ARL5C: variants seen among roughly 807,000 people sequenced by gnomAD.
The protein encoded by ARL5C is putative ADP-ribosylation factor-like protein 5C.
ARL5C carries 21 observed loss-of-function variants against 20.8 expected under a neutral mutation model. The ratio of observed to expected loss-of-function variants is 1.01; its 90% CI spans 0.72 to 1.46. The LOEUF (loss-of-function observed/expected upper bound fraction) is 1.46, where lower values mean the gene tolerates loss of function less well. Ranked by LOEUF, ARL5C falls within the 40% of genes most tolerant of loss-of-function variation. ARL5C has a pLI of 0.00. For synonymous variants in ARL5C, 71 were observed against 81.6 expected (o/e 0.87, Z 0.70); for missense variants, 199 against 225.1 (o/e 0.88, Z 0.74).
chr17:39,157,165 C>G (rs1281058809), intron 5 of ARL5C, among the ~76,000 whole-genome samples: 2 of 152,184 alleles, frequency 1.3e-5, no homozygotes, highest in Non-Finnish European at 2.9e-5. Flanking sequence ...GGCTTACTGT[C>G]TAGTAGAAGA....
chr17:39,165,379 G>A, intron 1 of ARL5C: 1 of 590,124 alleles, frequency 1.7e-6, no homozygotes, highest in South Asian at 2.1e-5. Context: ...GGCCCGGGGC[G>A]CTTCGGGGCT....
intron 2 of ARL5C, among the ~76,000 whole-genome samples, chr17:39,163,604 C>T (rs933855327): frequency 1.3e-5 from 2 of 151,216 alleles, no homozygotes; most frequent in African/African-American, 4.9e-5. Flanking sequence ...GTTGGCTGGG[C>T]GAGTCTCGAA....
In ARL5C at chr17:39,162,547, C is replaced by T. The variant is rs1279219132; in HGVS notation, c.255+164G>A. 2.6e-5 allele frequency among the ~76,000 whole-genome samples: 4 copies of T among 152,116 alleles called. No individual in the cohort carries two copies. The East Asian group carries it at 5.8e-4, about 22-fold the overall frequency. ...AACTCTTGACCTCAGGTGATCCACC[C>T]GCCTTGGACTCCCAAAGTGCTGGGA... is the stretch of plus-strand genomic sequence containing the variant. On this transcript the variant is annotated intron_variant, in intron 3 of 5. Coordinates refer to ENST00000269586, the MANE Select transcript of ARL5C (RefSeq NM_001143968.1).
chr17:39,165,771 G>C lies in ARL5C; in HGVS notation c.-11C>G. ...GATCAGCTGTCCCATGGCACTTCCC[G>C]GGCCGGACAGGTGCAGGAGGGCTCA... On this transcript the variant is annotated 5_prime_UTR_variant, in exon 1 of 6. Transcript: ENST00000269586. The C allele has an allele frequency of 2.6e-6, 4 of 1,551,766 alleles. No homozygotes were observed. The highest frequency in any genetic ancestry group is 3.5e-6 in the Non-Finnish European group (4 of 1,146,990).
intron 4 of ARL5C, 93 bp from the exon 5 acceptor site, chr17:39,160,835 T>C: frequency 6.9e-7 from 1 of 1,454,992 alleles, no homozygotes; most frequent in South Asian, 1.4e-5. Flanking sequence ...CCTCTCCAGC[T>C]GTCCCAGGAA....
At chr17:39,161,460 G>C in intron 3 of ARL5C, 109 bp from the exon 4 acceptor site, 3 of 940,682 alleles carry the variant, frequency 3.2e-6, no homozygotes, top group Non-Finnish European at 5.0e-6. Context: ...GTCAGCCCCA[G>C]AGAAATGAAA....
rs2045459582 is a variant in ARL5C at position 39,165,698 on chromosome 17, C to T, written c.46+17G>A. On this transcript the variant is annotated intron_variant, in intron 1 of 5. Coordinates refer to ENST00000269586, the MANE Select transcript of ARL5C (RefSeq NM_001143968.1). ...CGAGATCAAAGCGCTCGCTTGGATG[C>T]CCTGTGCGCCCCTTACCCTGGTTCC... 1 of 1,551,786 alleles carries T rather than the reference C, an allele frequency of 6.4e-7. No individual in the cohort carries two copies. The highest frequency in any genetic ancestry group is 8.7e-7 in the Non-Finnish European group (1 of 1,146,970).
At chr17:39,165,500 G>C in intron 1 of ARL5C, 1 of 617,586 alleles carries the variant, frequency 1.6e-6, no homozygotes, top group South Asian at 2.0e-5. Context: ...GAGAAAGGAG[G>C]GTCGCCCAGC....
chr17:39,163,384 T>TTCTTTCTTTCTTTCTTTCTTTCTTTCTC (rs1567781449), intron 2 of ARL5C, among the ~76,000 whole-genome samples: 1 of 138,784 alleles, frequency 7.2e-6, no homozygotes, highest in Non-Finnish European at 1.5e-5. Flanking sequence ...CTTTCTTTCT[T>TTCTTTCTTTCTTTCTTTCTTTCTTTCTC]TCTTTCTTTC....
At position 39,156,898 on chromosome 17, in the gene ARL5C, T is replaced by C. The variant is rs1225196998; in HGVS notation, c.536A>G (p.Asn179Ser). The C allele has an allele frequency of 6.4e-7, 1 of 1,551,846 alleles. No homozygotes were observed. The highest frequency in any genetic ancestry group is 8.7e-7 in the Non-Finnish European group (1 of 1,146,978). The change falls in exon 6 of 6, where the codon AAC (asparagine) becomes AGC (serine). Residue 179 changes from asparagine to serine, a missense_variant. Coordinates refer to ENST00000269586, the MANE Select transcript of ARL5C (RefSeq NM_001143968.1). The part of the protein sequence containing the change: ...LQWMESQAAA[N>S] ...GGTTGACCTCAGACTGGAACATCAG[T>C]TAGCAGCGGCCTGAGATTCCATCCA...
chr17:39,163,269 G>A (rs565894184), intron 2 of ARL5C, among the ~76,000 whole-genome samples: 1 of 151,512 alleles, frequency 6.6e-6, no homozygotes, highest in Non-Finnish European at 1.5e-5. Context: ...ACTTTAATAT[G>A]CAGTTGAATG....
At position 39,165,080 on chromosome 17, in the gene ARL5C, AC is replaced by A. The variant is rs767613615; in HGVS notation, c.105del (p.Phe36SerfsTer2). On this transcript the variant is annotated frameshift_variant and splice_region_variant, in exon 2 of 6. Coordinates refer to ENST00000269586, the MANE Select transcript of ARL5C (RefSeq NM_001143968.1). LOFTEE classifies it high-confidence loss of function. The part of the protein sequence containing the change: ...DNEGKTTILY[R>X]FLTNEVVHMC... ...CCTCCCCGCCCGAGAGTCACTTACAACCGGTAGAGAATGGTGGTCTTTCCTT... is the reference window on the plus strand; with the variant it reads ...CCTCCCCGCCCGAGAGTCACTTACAACGGTAGAGAATGGTGGTCTTTCCTT... 1.9e-5 allele frequency: 29 copies of A among 1,551,484 alleles called. No homozygotes were observed. The highest frequency in any genetic ancestry group is 6.1e-6 in the Non-Finnish European group (7 of 1,146,946).
At position 39,165,082 on chromosome 17, in the gene ARL5C, C is replaced by T. The variant is rs185189243; in HGVS notation, c.104G>A (p.Arg35Gln). 211 of 1,551,686 alleles carry T rather than the reference C, an allele frequency of 1.4e-4. No individual in the cohort carries two copies. The highest frequency in any genetic ancestry group is 1.7e-4 in the Non-Finnish European group (197 of 1,146,964). ...DNEGKTTILY[R>Q]FLTNEVVHMC... ...TCCCCGCCCGAGAGTCACTTACAAC[C>T]GGTAGAGAATGGTGGTCTTTCCTTC... The change falls in exon 2 of 6, where the codon CGG (arginine) becomes CAG (glutamine). Residue 35 changes from arginine to glutamine, a missense_variant. Transcript: ENST00000269586.
chr17:39,164,394 T>C (rs1314995129), intron 2 of ARL5C: 1 of 152,174 alleles, frequency 6.6e-6, no homozygotes, highest in Admixed American at 6.5e-5. Flanking sequence ...CTTTTATATG[T>C]AAATAATGCT....
intron 2 of ARL5C, chr17:39,164,845 C>T: frequency 2.2e-6 from 1 of 454,418 alleles, no homozygotes; most frequent in Non-Finnish European, 3.9e-6. Flanking sequence ...TTTGGCAGGG[C>T]CCCCGGGAAG....
rs2045461771 is a variant in ARL5C, at chr17:39,165,981, G to T, written c.-221C>A. 3.4e-6 allele frequency: 2 copies of T among 582,840 alleles called. No individual in the cohort carries two copies. The highest frequency in any genetic ancestry group is 6.1e-6 in the Non-Finnish European group (2 of 327,474). 36.1% of individuals were successfully genotyped at this position (582,840 alleles called of 1,614,324 possible). A position where few individuals can be genotyped will look rare whatever the true frequency, so the allele number is the denominator to read the frequency against. On this transcript the variant is annotated 5_prime_UTR_variant, in exon 1 of 6. Transcript: ENST00000269586. ...AGTGACTAAGGGCTGCCTGTCCCGG[G>T]CCCAAGAGGTGCAAGGAATATGGGG...
Position 39,165,099 on chromosome 17 carries a change from C to CT in ARL5C, c.86dup (p.Thr30AspfsTer11), listed in dbSNP as rs1456301941. On this transcript the variant is annotated frameshift_variant, in exon 2 of 6. Transcript: ENST00000269586. LOFTEE classifies it high-confidence loss of function. ...CTTACAACCGGTAGAGAATGGTGGT[C>CT]TTTCCTTCATTGTCCAGTCCCACGA... 3.2e-6 allele frequency: 5 copies of CT among 1,551,614 alleles called. No individual in the cohort carries two copies. In the African/African-American group the frequency reaches 6.8e-5, roughly 21 times the overall value.
At chr17:39,161,042 A>G (rs539457484) in intron 4 of ARL5C, among the ~76,000 whole-genome samples, 60 of 152,222 alleles carry the variant, frequency 3.9e-4, no homozygotes, top group African/African-American at 1.4e-3. Context: ...CCTACAGTGA[A>G]TGAAAGATGG....
At chr17:39,160,548 G>A (rs1357146452) in intron 5 of ARL5C, 43 bp downstream of exon 5, 5 of 1,545,974 alleles carry the variant, frequency 3.2e-6, no homozygotes, top group Non-Finnish European at 4.4e-6. Flanking sequence ...GTCATCCATT[G>A]GTTCAGCCAG....
Sources: allele counts gnomAD v4.1 joint callset (sites outside exome capture counted in the v4.1 genomes callset), GRCh38; gene constraint gnomAD v4.1.1; transcripts MANE v1.5; gene names NCBI Gene and HGNC (gene_info 2026-07-23, HGNC 2026-07-21).